The following KLF8 variants were observed in gnomAD, a reference collection of about 807,000 sequenced individuals.
The protein encoded by KLF8 is Krueppel-like factor 8.
A neutral mutation model predicts 18.2 loss-of-function variants in KLF8; 10 were observed. That is an observed-to-expected ratio of 0.55 (90% CI 0.34 to 0.93). The LOEUF is 0.93. Among genes scored for constraint, KLF8 ranks in the 40% least tolerant of loss-of-function variants. KLF8 has a pLI of 0.02. For synonymous variants in KLF8, 109 were observed against 97.3 expected (o/e 1.12, Z -0.71); for missense variants, 264 against 277.9 (o/e 0.95, Z 0.36).
At position 56,265,252 on chromosome X, in the gene KLF8, C is replaced by T. The variant is rs1417886046; in HGVS notation, c.154C>T (p.Leu52=). 1.7e-6 allele frequency: 2 copies of T among 1,209,505 alleles called. No individual in the cohort carries two copies. The highest frequency in any genetic ancestry group is 1.8e-5 in the South Asian group (1 of 56,652). ...YRSNMTSPTL[L]DANPMENPAL... ...AAGTAATATGACTTCTCCAACACTC[C>T]TGGATGCCAACCCCATGGAGAACCC... The change falls in exon 3 of 6, where the codon CTG becomes TTG. Residue 52 remains leucine (L), a synonymous_variant. Transcript: ENST00000468660.
At chrX:55,910,809 T>A in the KLF8 span, among the ~76,000 whole-genome samples, 3 of 112,542 alleles carry the variant, frequency 2.7e-5, no homozygotes, top group Non-Finnish European at 5.6e-5. Flanking sequence ...TAAGAAAAAC[T>A]TAGTAAACTT....
chrX:56,227,458 CT>C (rs2066376893), upstream of KLF8, among the ~76,000 whole-genome samples: 1 of 109,776 alleles, frequency 9.1e-6, no homozygotes, highest in African/African-American at 3.3e-5. Flanking sequence ...TCAAGCAATT[CT>C]TTTGCCTCCT....
chrX:55,975,982 G>A, the KLF8 span, among the ~76,000 whole-genome samples: 1 of 110,773 alleles, frequency 9.0e-6, no homozygotes. Flanking sequence ...GGTGGTGCAT[G>A]CCTGTAATCC....
At chrX:55,967,990 C>T in the KLF8 span, among the ~76,000 whole-genome samples, 1 of 111,242 alleles carries the variant, frequency 9.0e-6, no homozygotes, top group Admixed American at 9.6e-5. Context: ...TATTTGCAAG[C>T]CTTATGGTAA....
At chrX:56,205,583 T>G in the KLF8 span, among the ~76,000 whole-genome samples, 3 of 112,526 alleles carry the variant, frequency 2.7e-5, no homozygotes, top group South Asian at 1.1e-3. Flanking sequence ...TGAGGATTTT[T>G]GCATCAATAT....
the KLF8 span, among the ~76,000 whole-genome samples, chrX:55,945,753 C>T: frequency 1.8e-5 from 2 of 110,679 alleles, no homozygotes; most frequent in African/African-American, 6.6e-5. Flanking sequence ...TTGTCTCAGC[C>T]CAAAATCTCC....
chrX:55,946,015 G>A, the KLF8 span, among the ~76,000 whole-genome samples: 33 of 111,704 alleles, frequency 3.0e-4, no homozygotes, highest in Non-Finnish European at 4.5e-4. Flanking sequence ...AACATTCCAC[G>A]CTCTTGCATA....
chrX:56,262,627 T>C (rs2066898673), intron 2 of KLF8, among the ~76,000 whole-genome samples: 1 of 111,546 alleles, frequency 9.0e-6, no homozygotes, highest in African/African-American at 3.3e-5. Context: ...CACAACTATA[T>C]TCTTACAGAA....
chrX:56,255,931 T>A (rs1019925642), intron 2 of KLF8, among the ~76,000 whole-genome samples: 1 of 111,555 alleles, frequency 9.0e-6, no homozygotes, highest in Non-Finnish European at 1.9e-5. Context: ...TCCTCCTCTA[T>A]TTTTCAGAAT....
chrX:56,093,914 T>C, the KLF8 span, among the ~76,000 whole-genome samples: 1 of 97,631 alleles, frequency 1.0e-5, no homozygotes, highest in Non-Finnish European at 2.0e-5. Context: ...TATGTGTGTG[T>C]GTGTGTGTGT....
At chrX:56,102,158 C>T in the KLF8 span, among the ~76,000 whole-genome samples, 1 of 111,299 alleles carries the variant, frequency 9.0e-6, no homozygotes, top group Non-Finnish European at 1.9e-5. Context: ...TATTTTTAAT[C>T]TTCTGCATAT....
At chrX:56,045,784 A>G in the KLF8 span, among the ~76,000 whole-genome samples, 9 of 111,506 alleles carry the variant, frequency 8.1e-5, no homozygotes, top group African/African-American at 2.9e-4. Context: ...GAATGCATTT[A>G]TCAGATCTAG....
chrX:56,200,092 G>A, the KLF8 span, among the ~76,000 whole-genome samples: 2 of 110,973 alleles, frequency 1.8e-5, no homozygotes, highest in East Asian at 5.6e-4. Context: ...GGAGGTCTGG[G>A]GCTGGGGGAG....
the KLF8 span, among the ~76,000 whole-genome samples, chrX:56,079,857 G>T: frequency 9.0e-6 from 1 of 111,273 alleles, no homozygotes; most frequent in Non-Finnish European, 1.9e-5. Flanking sequence ...ATATATTTAG[G>T]ATAGTTAGCT....
At chrX:56,058,865 C>T in the KLF8 span, among the ~76,000 whole-genome samples, 1 of 111,303 alleles carries the variant, frequency 9.0e-6, no homozygotes, top group African/African-American at 3.3e-5. Flanking sequence ...GGGTGTATAC[C>T]CAGTAGTGGG....
the KLF8 span, among the ~76,000 whole-genome samples, chrX:56,160,331 C>T: frequency 9.0e-6 from 1 of 111,411 alleles, no homozygotes; most frequent in Non-Finnish European, 1.9e-5. Context: ...TTTTGGAATA[C>T]GTGTGGTGTG....
chrX:56,050,573 T>C, the KLF8 span, among the ~76,000 whole-genome samples: 2 of 112,245 alleles, frequency 1.8e-5, no homozygotes, highest in East Asian at 2.8e-4. Flanking sequence ...TGTAGTTGTG[T>C]GGTTTTCAGT....
At chrX:55,983,354 G>C in the KLF8 span, among the ~76,000 whole-genome samples, 1 of 111,149 alleles carries the variant, frequency 9.0e-6, no homozygotes, top group Non-Finnish European at 1.9e-5. Context: ...AACAGAAAAG[G>C]AATAGGTTAA....
chrX:55,981,043 T>C, the KLF8 span, among the ~76,000 whole-genome samples: 1 of 111,073 alleles, frequency 9.0e-6, no homozygotes. Flanking sequence ...AAATACAAAA[T>C]ATAGCCAGGC....
Sources: allele counts gnomAD v4.1 joint callset (sites outside exome capture counted in the v4.1 genomes callset), GRCh38; gene constraint gnomAD v4.1.1; transcripts MANE v1.5; gene names NCBI Gene and HGNC (gene_info 2026-07-23, HGNC 2026-07-21).